The following PTPRN2 variants were observed in gnomAD, a reference collection of about 807,000 sequenced individuals.
PTPRN2 encodes the protein protein tyrosine phosphatase receptor type N2, also known as receptor-type tyrosine-protein phosphatase N2.
In PTPRN2, 74 loss-of-function variants were observed where a neutral mutation model predicts 118.8. The ratio of observed to expected loss-of-function variants is 0.62; its 90% CI spans 0.52 to 0.76. The LOEUF is 0.76. PTPRN2 is among the 30% of genes least tolerant of loss of function. The pLI is 0.00. For synonymous variants in PTPRN2, 641 were observed against 608.0 expected (o/e 1.05, Z -0.80); for missense variants, 1,481 against 1,394.4 (o/e 1.06, Z -0.99).
At chr7:158,372,023 C>A (rs532972216) in intron 2 of PTPRN2, among the ~76,000 whole-genome samples, 1 of 152,202 alleles carries the variant, frequency 6.6e-6, no homozygotes, top group Admixed American at 6.5e-5. Flanking sequence ...CCCTCCTGGG[C>A]GCTGGCTGTG....
chr7:158,138,659 A>G, intron 6 of PTPRN2, 144 bp from the exon 7 acceptor site: 1 of 685,182 alleles, frequency 1.5e-6, no homozygotes, highest in Non-Finnish European at 2.4e-6. Context: ...GTGCTCAGAG[A>G]AGATTGGGAT....
At chr7:157,855,301 G>A (rs145150691) in intron 12 of PTPRN2, among the ~76,000 whole-genome samples, 2,278 of 152,244 alleles carry the variant, frequency 0.015, 38 homozygotes, top group Admixed American at 0.046. Flanking sequence ...CCCACGCGCC[G>A]GCTTCTCGAG....
chr7:158,244,975 T>C (rs1176812692), intron 3 of PTPRN2, among the ~76,000 whole-genome samples: 2 of 152,174 alleles, frequency 1.3e-5, no homozygotes, highest in Non-Finnish European at 2.9e-5. Context: ...AGGCCAGCAG[T>C]TCGAAGCCCC....
chr7:158,367,924 C>G (rs1259795615), intron 2 of PTPRN2, among the ~76,000 whole-genome samples: 1 of 152,166 alleles, frequency 6.6e-6, no homozygotes, highest in Non-Finnish European at 1.5e-5. Flanking sequence ...CTCATCTGCT[C>G]CCACCATAAC....
At chr7:157,924,326 C>T (rs1284958190) in intron 11 of PTPRN2, among the ~76,000 whole-genome samples, 3 of 152,216 alleles carry the variant, frequency 2.0e-5, no homozygotes, top group Non-Finnish European at 4.4e-5. Context: ...CGGCCCTGGG[C>T]TCAAAGCTGA....
intron 1 of PTPRN2, among the ~76,000 whole-genome samples, chr7:158,543,305 G>A (rs1826099148): frequency 6.6e-6 from 1 of 152,156 alleles, no homozygotes; most frequent in Non-Finnish European, 1.5e-5. Flanking sequence ...GTGGGAAGAA[G>A]GAAGGCCCGG....
intron 12 of PTPRN2, among the ~76,000 whole-genome samples, chr7:157,773,533 G>A (rs1405289002): frequency 6.6e-6 from 1 of 152,182 alleles, no homozygotes; most frequent in Non-Finnish European, 1.5e-5. Flanking sequence ...AGCCCGCTGC[G>A]AGGGCCAGGG....
At chr7:157,589,711 T>C (rs1800877472) in intron 17 of PTPRN2, among the ~76,000 whole-genome samples, 1 of 152,224 alleles carries the variant, frequency 6.6e-6, no homozygotes, top group Non-Finnish European at 1.5e-5. Context: ...TAATTTAAAA[T>C]TTATTAGAAT....
chr7:157,638,967 C>T (rs1031653376), intron 14 of PTPRN2, among the ~76,000 whole-genome samples: 13 of 152,134 alleles, frequency 8.5e-5, no homozygotes, highest in African/African-American at 2.2e-4. Context: ...GGAAACCCGG[C>T]GGAATGTGAT....
intron 9 of PTPRN2, among the ~76,000 whole-genome samples, chr7:158,113,377 C>G (rs1024184300): frequency 6.6e-6 from 1 of 152,144 alleles, no homozygotes; most frequent in African/African-American, 2.4e-5. Flanking sequence ...TTCTGTTAAG[C>G]TGGAAGACGT....
chr7:158,581,676 C>G (rs1828634051), intron 1 of PTPRN2, among the ~76,000 whole-genome samples: 1 of 152,160 alleles, frequency 6.6e-6, no homozygotes, highest in Admixed American at 6.5e-5. Flanking sequence ...CCTTGGTTTT[C>G]TGAATCCCAG....
intron 10 of PTPRN2, among the ~76,000 whole-genome samples, chr7:158,109,503 G>A (rs1816021719): frequency 6.6e-6 from 1 of 151,860 alleles, no homozygotes; most frequent in Admixed American, 6.6e-5. Context: ...AGGGGCCAGT[G>A]AGTGAATGAC....
At chr7:158,488,159 A>G (rs958542597) in intron 2 of PTPRN2, among the ~76,000 whole-genome samples, 1 of 152,102 alleles carries the variant, frequency 6.6e-6, no homozygotes, top group Non-Finnish European at 1.5e-5. Flanking sequence ...TGCTTCCATT[A>G]TCATCAAAAG....
chr7:157,918,476 C>T (rs531897836), intron 11 of PTPRN2, among the ~76,000 whole-genome samples: 4 of 152,274 alleles, frequency 2.6e-5, no homozygotes, highest in African/African-American at 4.8e-5. Context: ...ACAGTGAGGA[C>T]GACGCGTGGG....
At chr7:158,277,951 G>A (rs76540102) in intron 3 of PTPRN2, among the ~76,000 whole-genome samples, 1,605 of 152,270 alleles carry the variant, frequency 0.011, 37 homozygotes, top group African/African-American at 0.036. Context: ...AGGGGGGGAT[G>A]GGAGTTAGAG....
intron 9 of PTPRN2, among the ~76,000 whole-genome samples, chr7:158,130,959 C>A (rs1460819542): frequency 1.3e-5 from 2 of 150,162 alleles, no homozygotes; most frequent in Non-Finnish European, 1.5e-5. Context: ...ACACATCTAC[C>A]CAACACACAC....
chr7:158,035,666 GCC>G (rs1808045897), intron 11 of PTPRN2, among the ~76,000 whole-genome samples: 1 of 152,192 alleles, frequency 6.6e-6, no homozygotes, highest in African/African-American at 2.4e-5. Context: ...AAACACAAAT[GCC>G]TCTCATTAGA....
intron 1 of PTPRN2, among the ~76,000 whole-genome samples, chr7:158,549,790 G>A (rs1826529700): frequency 1.3e-5 from 2 of 152,258 alleles, no homozygotes; most frequent in Admixed American, 1.3e-4. Context: ...GGGACTGCGT[G>A]TCCCCAGAGG....
At chr7:157,581,691 T>C (rs1173959813) in intron 17 of PTPRN2, among the ~76,000 whole-genome samples, 3 of 152,204 alleles carry the variant, frequency 2.0e-5, no homozygotes, top group Non-Finnish European at 2.9e-5. Context: ...TGACTGTAGA[T>C]TTAAAAACCA....
Sources: gnomAD v4.1 joint callset for allele counts (sites outside exome capture counted in the v4.1 genomes callset) on GRCh38, gnomAD v4.1.1 for gene constraint, MANE v1.5 for transcripts, NCBI Gene and HGNC (gene_info 2026-07-23, HGNC 2026-07-21) for gene names.